The following VAC14 variants were observed in gnomAD, a reference collection of about 807,000 sequenced individuals.
VAC14 encodes VAC14 component of PIKFYVE complex, also known as protein VAC14 homolog.
A neutral mutation model predicts 85.3 loss-of-function variants in VAC14; 47 were observed. The ratio of observed to expected loss-of-function variants is 0.55; its 90% CI spans 0.44 to 0.70. The LOEUF is 0.70. Ranked by LOEUF, VAC14 falls within the 30% of genes least tolerant of loss-of-function variation. The pLI, the probability that VAC14 is intolerant of heterozygous loss-of-function variation, is 0.00. For missense variants in VAC14, 861 were observed against 1,004.3 expected, an observed-to-expected ratio of 0.86 and a Z score of 1.93; for synonymous variants, 447 against 430.5, an observed-to-expected ratio of 1.04 and a Z score of -0.47.
rs531057461 is a variant in VAC14 at position 70,762,660 on chromosome 16, C to T, written c.1306-55G>A. 74 of 1,580,948 alleles carry T rather than the reference C, an allele frequency of 4.7e-5. 1 individual carries two copies. Among genetic ancestry groups the T allele is most frequent in the South Asian group, 3.6e-4 (32 of 89,474 alleles). On this transcript the variant is annotated intron_variant, in intron 11 of 18. Coordinates refer to ENST00000261776, the MANE Select transcript of VAC14 (RefSeq NM_018052.5). This position sits in a 1 kb window ranked among gnomAD's most constrained non-coding sequence, Gnocchi z 4.1. Reference sequence around the variant, plus strand: ...GAGTGCTCCCTTCGCCCCGGGACTACGTGCAGTGCAGTGTCCCGCTGGTGT... The same window carrying T: ...GAGTGCTCCCTTCGCCCCGGGACTATGTGCAGTGCAGTGTCCCGCTGGTGT...
At chr16:70,738,665 T>C (rs895224152) in intron 13 of VAC14, among the ~76,000 whole-genome samples, 1 of 152,296 alleles carries the variant, frequency 6.6e-6, no homozygotes, top group East Asian at 1.9e-4. Context: ...AGGATGCCAT[T>C]CTGGGCAGCA....
intron 1 of VAC14, 177 bp from the exon 2 acceptor site, chr16:70,786,542 T>C (rs780273050): frequency 1.8e-5 from 13 of 730,164 alleles, no homozygotes; most frequent in Non-Finnish European, 2.8e-5. Flanking sequence ...TTCCCTATTC[T>C]GGGTCTCAGT....
chr16:70,753,011 G>GGTGT (rs372860764), intron 12 of VAC14, among the ~76,000 whole-genome samples: 4,240 of 143,008 alleles, frequency 0.03, 89 homozygotes, highest in African/African-American at 0.059. Context: ...AGGAGGAGGG[G>GGTGT]GTGTGTGTGT....
At position 70,788,550 on chromosome 16, in the gene VAC14, A is replaced by G. The variant is rs181845222; in HGVS notation, c.105-2185T>C. ...TCAAAACAGCGTACTAAGGCCTGGCAAGGATGGTTCTACATCAACTTGTTT... is the reference window on the plus strand; with the variant it reads ...TCAAAACAGCGTACTAAGGCCTGGCGAGGATGGTTCTACATCAACTTGTTT... On this transcript the variant is annotated intron_variant, in intron 1 of 18. Transcript: ENST00000261776. Among the ~76,000 whole-genome samples the G allele has an allele frequency of 2.6e-4, 40 of 152,332 alleles. 1 individual carries two copies. The highest frequency in any genetic ancestry group is 6.8e-3 in the Middle Eastern group (2 of 294).
intron 15 of VAC14, among the ~76,000 whole-genome samples, chr16:70,697,764 C>T (rs879062123): frequency 6.6e-6 from 1 of 152,228 alleles, no homozygotes; most frequent in Non-Finnish European, 1.5e-5. Flanking sequence ...TTCTTAAGGC[C>T]TCTGCGAATG....
chr16:70,791,541 C>A lies in VAC14; in HGVS notation c.105-5176G>T, dbSNP rs185604923. 2.6e-5 allele frequency among the ~76,000 whole-genome samples: 4 copies of A among 152,246 alleles called. No homozygotes were observed. The East Asian group carries it at 5.8e-4, about 22-fold the overall frequency. ...CTGGAGTCACAGGCGCCTGCCATCACGCCTGGCTAATTTTTTCTATTTTTA... is the reference window on the plus strand; with the variant it reads ...CTGGAGTCACAGGCGCCTGCCATCAAGCCTGGCTAATTTTTTCTATTTTTA... On this transcript the variant is annotated intron_variant, in intron 1 of 18. Coordinates refer to ENST00000261776, the MANE Select transcript of VAC14 (RefSeq NM_018052.5).
intron 14 of VAC14, among the ~76,000 whole-genome samples, chr16:70,717,573 T>C (rs988791827): frequency 6.6e-6 from 1 of 152,242 alleles, no homozygotes; most frequent in African/African-American, 2.4e-5. Flanking sequence ...GAGTCCTGAC[T>C]GCACAGAACT....
intron 8 of VAC14, 94 bp from the exon 9 acceptor site, chr16:70,781,033 C>A: frequency 2.6e-6 from 4 of 1,551,102 alleles, no homozygotes; most frequent in East Asian, 4.7e-5. Context: ...GGAGGTGGGG[C>A]CTGGTGGGAG....
At chr16:70,726,377 C>T (rs554000103) in intron 14 of VAC14, among the ~76,000 whole-genome samples, 1 of 152,324 alleles carries the variant, frequency 6.6e-6, no homozygotes, top group South Asian at 2.1e-4. Context: ...CGGAAGGTGC[C>T]ATGATTTCAT....
chr16:70,722,632 G>A (rs559048477), intron 14 of VAC14, among the ~76,000 whole-genome samples: 2 of 152,258 alleles, frequency 1.3e-5, no homozygotes, highest in Admixed American at 6.5e-5. Flanking sequence ...ATTCTACAAC[G>A]ATGGACAAGA....
At position 70,690,638 on chromosome 16, in the gene VAC14, C is replaced by T. The variant is rs1307046670; in HGVS notation, c.2186+2183G>A. The stretch of plus-strand genomic sequence containing the variant: ...ATGGGCGAGGAGTGTACAAAACTCT[C>T]CCAGCTGTTCCCAGCTCCAAGGCCT... On this transcript the variant is annotated intron_variant, in intron 18 of 18. Transcript: ENST00000261776. 3.0e-6 allele frequency: 3 copies of T among 985,506 alleles called. No individual in the cohort carries two copies. In the African/African-American group the frequency reaches 5.2e-5, roughly 17 times the overall value. 61.0% of individuals were successfully genotyped at this position (985,506 alleles called of 1,614,324 possible). A position where few individuals can be genotyped will look rare whatever the true frequency, so the allele number is the denominator to read the frequency against.
At chr16:70,783,341 G>T in intron 6 of VAC14, 104 bp downstream of exon 6, 2 of 1,200,116 alleles carry the variant, frequency 1.7e-6, no homozygotes, top group Non-Finnish European at 1.2e-6. Context: ...GGAAGAAGAG[G>T]TGATTTCCTG....
chr16:70,688,791 C>T, intron 18 of VAC14: 1 of 985,628 alleles, frequency 1.0e-6, no homozygotes, highest in African/African-American at 1.7e-5. Flanking sequence ...CTGTCCCTGT[C>T]AAGCCCAGTG....
chr16:70,791,067 G>A (rs138135542), intron 1 of VAC14, among the ~76,000 whole-genome samples: 199 of 152,298 alleles, frequency 1.3e-3, no homozygotes, highest in Middle Eastern at 3.4e-3. Context: ...GGGCCAGGCC[G>A]ACCTCTGACC....
At chr16:70,733,171 C>T (rs2054644290) in intron 13 of VAC14, among the ~76,000 whole-genome samples, 1 of 152,180 alleles carries the variant, frequency 6.6e-6, no homozygotes, top group Admixed American at 6.5e-5. Context: ...CTAGCGATCA[C>T]TCATCTACCT....
intron 13 of VAC14, among the ~76,000 whole-genome samples, chr16:70,739,313 G>T (rs1341957094): frequency 6.6e-6 from 1 of 152,202 alleles, no homozygotes; most frequent in Non-Finnish European, 1.5e-5. Context: ...TGGGAGGAAG[G>T]GGCTTCAAGA....
At chr16:70,781,427 T>A (rs796233232) in intron 8 of VAC14, among the ~76,000 whole-genome samples, 1 of 152,190 alleles carries the variant, frequency 6.6e-6, no homozygotes, top group Non-Finnish European at 1.5e-5. Context: ...AACCTCGTAT[T>A]CCTAGTCTGG....
At chr16:70,730,529 C>A (rs1274590690) in intron 14 of VAC14, among the ~76,000 whole-genome samples, 1 of 151,896 alleles carries the variant, frequency 6.6e-6, no homozygotes, top group African/African-American at 2.4e-5. Context: ...CCAAGCACCC[C>A]AGACCACTTT....
chr16:70,798,643 C>T (rs528115908), intron 1 of VAC14, among the ~76,000 whole-genome samples: 16 of 152,304 alleles, frequency 1.1e-4, no homozygotes, highest in African/African-American at 3.6e-4. Context: ...TCTTTGAGGC[C>T]AGTGCTTCTC....
Sources: gnomAD v4.1 joint callset for allele counts (sites outside exome capture counted in the v4.1 genomes callset) on GRCh38, gnomAD v4.1.1 for gene constraint, Gnocchi (gnomAD v3.1) non-coding constraint, MANE v1.5 for transcripts, NCBI Gene and HGNC (gene_info 2026-07-23, HGNC 2026-07-21) for gene names.